Variants in FTO observed in about 807,000 individuals in gnomAD.
The protein encoded by FTO is FTO alpha-ketoglutarate dependent dioxygenase, also known as alpha-ketoglutarate-dependent dioxygenase FTO.
A neutral mutation model predicts 63.9 loss-of-function variants in FTO; 47 were observed. The ratio of observed to expected loss-of-function variants is 0.74; its 90% CI spans 0.58 to 0.94. FTO has a LOEUF of 0.94. FTO is among the 40% of genes least tolerant of loss of function. The probability of loss-of-function intolerance (pLI) is 0.00; values close to 1 mark genes in which losing one functional copy is unlikely to be tolerated. For missense variants in FTO, 562 were observed against 618.1 expected (o/e 0.91, Z 0.96); for synonymous variants, 207 against 224.4 (o/e 0.92, Z 0.69).
At chr16:53,897,903 T>A (rs2081311697) in intron 7 of FTO, among the ~76,000 whole-genome samples, 1 of 152,176 alleles carries the variant, frequency 6.6e-6, no homozygotes, top group African/African-American at 2.4e-5. Context: ...ATGTATCTCT[T>A]GATTTATCAG....
intron 3 of FTO, among the ~76,000 whole-genome samples, chr16:53,832,434 T>C (rs1238398684): frequency 6.6e-6 from 1 of 152,164 alleles, no homozygotes; most frequent in Non-Finnish European, 1.5e-5. Context: ...GTTTTTTATT[T>C]GTTTGTAGAG....
chr16:53,713,470 C>T (rs575922290), intron 1 of FTO, among the ~76,000 whole-genome samples: 248 of 152,264 alleles, frequency 1.6e-3, no homozygotes, highest in Non-Finnish European at 3.1e-3. Flanking sequence ...TAAGCACATT[C>T]ATTTACTCTT....
chr16:54,004,663 G>A (rs1198766813), intron 8 of FTO, among the ~76,000 whole-genome samples: 3 of 152,128 alleles, frequency 2.0e-5, no homozygotes, highest in African/African-American at 7.2e-5. Context: ...AATGGGACAT[G>A]TCACACATAC....
chr16:53,899,842 AAC>A (rs1208035014), intron 7 of FTO, among the ~76,000 whole-genome samples: 3 of 152,334 alleles, frequency 2.0e-5, no homozygotes, highest in Admixed American at 2.0e-4. Flanking sequence ...CTTTTGCTAG[AAC>A]AAAGGAAAAA....
chr16:53,994,453 T>C (rs1353784073), intron 8 of FTO: 1 of 152,120 alleles, frequency 6.6e-6, no homozygotes, highest in Non-Finnish European at 1.5e-5. Context: ...CTCCAACTCC[T>C]GAGCTCTAGT....
intron 8 of FTO, among the ~76,000 whole-genome samples, chr16:54,004,380 A>C (rs982899126): frequency 7.4e-6 from 1 of 134,456 alleles, no homozygotes; most frequent in African/African-American, 3.0e-5. Flanking sequence ...GCAACAGAGC[A>C]AGACCCTGCA....
At chr16:54,056,898 C>T (rs1465109648) in intron 8 of FTO, among the ~76,000 whole-genome samples, 2 of 152,148 alleles carry the variant, frequency 1.3e-5, no homozygotes, top group African/African-American at 4.8e-5. Context: ...AATATACTGG[C>T]CAATTACCAC....
intron 6 of FTO, among the ~76,000 whole-genome samples, chr16:53,883,131 A>G (rs143183757): frequency 3.3e-4 from 50 of 152,276 alleles, no homozygotes; most frequent in African/African-American, 1.1e-3. Flanking sequence ...AAATGTAGTT[A>G]TTTCCTTCGC....
At chr16:53,915,863 T>C (rs2081851599) in intron 7 of FTO, among the ~76,000 whole-genome samples, 1 of 152,186 alleles carries the variant, frequency 6.6e-6, no homozygotes, top group South Asian at 2.1e-4. Context: ...GGCAATTGTC[T>C]GTCTGAGATG....
chr16:53,940,585 G>A (rs550846779), intron 8 of FTO, among the ~76,000 whole-genome samples: 6 of 152,146 alleles, frequency 3.9e-5, no homozygotes, highest in Non-Finnish European at 7.4e-5. Context: ...ATGGAAACTC[G>A]GTACCTTTAT....
At chr16:53,759,272 C>A (rs2076992892) in intron 1 of FTO, among the ~76,000 whole-genome samples, 1 of 151,534 alleles carries the variant, frequency 6.6e-6, no homozygotes, top group Admixed American at 6.6e-5. Flanking sequence ...AGAAATTAGC[C>A]CAAAACAAAG....
chr16:53,947,202 A>C (rs1405019386), intron 8 of FTO, among the ~76,000 whole-genome samples: 1 of 152,134 alleles, frequency 6.6e-6, no homozygotes, highest in African/African-American at 2.4e-5. Flanking sequence ...GTCACTGAGG[A>C]GAAAGGCTGT....
At chr16:53,851,588 TC>T (rs1598825103) in intron 4 of FTO, among the ~76,000 whole-genome samples, 2 of 152,340 alleles carry the variant, frequency 1.3e-5, no homozygotes, top group East Asian at 3.9e-4. Flanking sequence ...TCCCATCTGG[TC>T]CTTTGTAAGT....
At chr16:53,824,865 T>A (rs10852522) in intron 2 of FTO, among the ~76,000 whole-genome samples, 59,076 of 152,040 alleles carry the variant, frequency 0.39, 11,871 homozygotes, top group Middle Eastern at 0.51. Context: ...CAGTTGCATT[T>A]TACAGAATCA....
intron 1 of FTO, among the ~76,000 whole-genome samples, chr16:53,763,768 T>C (rs1197464911): frequency 2.0e-5 from 3 of 152,222 alleles, no homozygotes; most frequent in Non-Finnish European, 4.4e-5. Context: ...TTATTATTTG[T>C]AATGTAGGAA....
intron 7 of FTO, among the ~76,000 whole-genome samples, chr16:53,928,603 A>G (rs2082203468): frequency 6.6e-6 from 1 of 150,740 alleles, no homozygotes; most frequent in African/African-American, 2.4e-5. Context: ...TTCCTTTTCT[A>G]ATATTAAAAT....
At chr16:53,739,745 GT>G (rs535359165) in intron 1 of FTO, among the ~76,000 whole-genome samples, 10 of 150,566 alleles carry the variant, frequency 6.6e-5, no homozygotes, top group South Asian at 4.2e-4. Context: ...TTTTGTCTGT[GT>G]TTTTTTTTAA....
chr16:53,730,555 C>T (rs2076249769), intron 1 of FTO, among the ~76,000 whole-genome samples: 1 of 151,770 alleles, frequency 6.6e-6, no homozygotes, highest in Non-Finnish European at 1.5e-5. Context: ...AGTGCAGTGG[C>T]ACGATCATGG....
At chr16:53,967,235 T>A (rs567823324) in intron 8 of FTO, among the ~76,000 whole-genome samples, 1 of 152,106 alleles carries the variant, frequency 6.6e-6, no homozygotes, top group African/African-American at 2.4e-5. Context: ...TGTCCCTTTA[T>A]TTCTCCACGT....
Sources: gnomAD v4.1 joint callset for allele counts (sites outside exome capture counted in the v4.1 genomes callset) on GRCh38, gnomAD v4.1.1 for gene constraint, MANE v1.5 for transcripts, NCBI Gene and HGNC (gene_info 2026-07-23, HGNC 2026-07-21) for gene names.